RALGPS1: variants seen among roughly 807,000 people sequenced by gnomAD.
RALGPS1 encodes the protein Ral GEF with PH domain and SH3 binding motif 1.
RALGPS1 carries 19 observed loss-of-function variants against 78.8 expected under a neutral mutation model. That is an observed-to-expected ratio of 0.24 (90% CI 0.17 to 0.35). The LOEUF (loss-of-function observed/expected upper bound fraction) is 0.35, where lower values mean the gene tolerates loss of function less well. Among genes scored for constraint, RALGPS1 ranks in the 10% least tolerant of loss-of-function variants. RALGPS1 has a pLI of 1.00. For synonymous variants in RALGPS1, 228 were observed against 256.3 expected, an observed-to-expected ratio of 0.89 and a Z score of 1.06; for missense variants, 454 against 688.3, an observed-to-expected ratio of 0.66 and a Z score of 3.81.
intron 13 of RALGPS1, among the ~76,000 whole-genome samples, chr9:127,198,578 G>C (rs190373674): frequency 1.2e-3 from 181 of 152,344 alleles, no homozygotes; most frequent in Admixed American, 2.1e-3. Flanking sequence ...TCTAATGCCA[G>C]GTAGCTGCAC....
At chr9:127,213,510 T>TCTCCCAGTTC (rs1189756498) in intron 17 of RALGPS1, among the ~76,000 whole-genome samples, 1 of 152,180 alleles carries the variant, frequency 6.6e-6, no homozygotes, top group African/African-American at 2.4e-5. Context: ...TCTCTAGCTA[T>TCTCCCAGTTC]CTCCCAGTTC....
chr9:126,941,766 T>C (rs903364640), intron 1 of RALGPS1, among the ~76,000 whole-genome samples: 4 of 152,232 alleles, frequency 2.6e-5, no homozygotes, highest in African/African-American at 7.2e-5. Flanking sequence ...TGTCAGGAAG[T>C]ATTGATCTCC....
At position 127,183,854 on chromosome 9, in the gene RALGPS1, C is replaced by T; in HGVS notation, c.910+9072C>T. 2 of 1,544,212 alleles carry T rather than the reference C, an allele frequency of 1.3e-6. No individual in the cohort carries two copies. The highest frequency in any genetic ancestry group is 1.7e-6 in the Non-Finnish European group (2 of 1,144,298). ...CCATTACTCTGGGATTTCACATCTC[C>T]TTTGTTCTTGAGTCTCCCATCTCAG... On this transcript the variant is annotated intron_variant, in intron 11 of 18. Coordinates refer to ENST00000259351, the MANE Select transcript of RALGPS1 (RefSeq NM_014636.3). This position sits in a 1 kb window ranked among gnomAD's most constrained non-coding sequence, Gnocchi z 4.0.
intron 9 of RALGPS1, 45 bp from the exon 10 acceptor site, chr9:127,168,634 A>C (rs1400000455): frequency 1.5e-6 from 2 of 1,366,186 alleles, no homozygotes; most frequent in Non-Finnish European, 2.1e-6. Context: ...GGGGGCCTAA[A>C]GATGGGAGAG....
intron 6 of RALGPS1, among the ~76,000 whole-genome samples, chr9:127,052,645 G>A (rs1252299194): frequency 2.0e-5 from 3 of 152,186 alleles, no homozygotes; most frequent in African/African-American, 7.2e-5. Context: ...TCAGACTCAC[G>A]TTTTAGATGC....
At chr9:127,104,735 A>G (rs536554455) in intron 8 of RALGPS1, among the ~76,000 whole-genome samples, 2 of 152,326 alleles carry the variant, frequency 1.3e-5, no homozygotes, top group South Asian at 4.1e-4. Flanking sequence ...GGGGAAGGGC[A>G]TGCTGTGGGC....
rs57264470 is a variant in RALGPS1 at position 126,979,241 on chromosome 9, ATGTGTGTGTG to A, written c.216+1521_216+1530del. Among the ~76,000 whole-genome samples, 304 of 146,656 alleles carry A rather than the reference ATGTGTGTGTG, an allele frequency of 2.1e-3. 1 individual carries two copies. Among genetic ancestry groups the A allele is most frequent in the Middle Eastern group, 7.1e-3 (2 of 280 alleles). On this transcript the variant is annotated intron_variant, in intron 4 of 18. Coordinates refer to ENST00000259351, the MANE Select transcript of RALGPS1 (RefSeq NM_014636.3). The stretch of plus-strand genomic sequence containing the variant: ...CAGTTATTTGTATTATTGTATTATT[ATGTGTGTGTG>A]TGTGTGTGTGTGTGTGTGTGTGTGC...
chr9:126,948,034 T>C (rs1469909543), intron 1 of RALGPS1, among the ~76,000 whole-genome samples: 4 of 152,226 alleles, frequency 2.6e-5, no homozygotes, highest in African/African-American at 9.7e-5. Context: ...TTTATATCCC[T>C]GTATATCCAC....
At chr9:127,194,436 G>A (rs992134885) in intron 11 of RALGPS1, among the ~76,000 whole-genome samples, 5 of 152,068 alleles carry the variant, frequency 3.3e-5, no homozygotes, top group Non-Finnish European at 5.9e-5. Flanking sequence ...TTTTGGGGAC[G>A]GAGTCTCACT....
At position 127,221,020 on chromosome 9, in the gene RALGPS1, G is replaced by T. The variant is rs533111417; in HGVS notation, c.*2251G>T. Reference sequence around the variant, plus strand: ...CCTCTCCCAGGAACATTCTTAGCTCGGACTCTTGAAGAATCTCTTTAGATT... The same window carrying T: ...CCTCTCCCAGGAACATTCTTAGCTCTGACTCTTGAAGAATCTCTTTAGATT... On this transcript the variant is annotated 3_prime_UTR_variant, in exon 19 of 19. Transcript: ENST00000259351. The T allele has an allele frequency of 6.6e-6, 1 of 152,456 alleles. No individual in the cohort carries two copies. Among genetic ancestry groups the T allele is most frequent in the Non-Finnish European group, 1.5e-5 (1 of 68,030 alleles). 9.4% of individuals were successfully genotyped at this position (152,456 alleles called of 1,614,324 possible).
chr9:127,129,478 T>A (rs2056859384), intron 8 of RALGPS1, among the ~76,000 whole-genome samples: 1 of 152,204 alleles, frequency 6.6e-6, no homozygotes, highest in African/African-American at 2.4e-5. Context: ...AGGTACCTGC[T>A]GAAATTCCCA....
intron 1 of RALGPS1, among the ~76,000 whole-genome samples, chr9:126,925,418 C>T (rs564975441): frequency 2.0e-5 from 3 of 151,726 alleles, no homozygotes; most frequent in East Asian, 2.0e-4. Context: ...CATGGTGGCA[C>T]GTGCCTTTAA....
Position 127,036,207 on chromosome 9 carries a change from A to G in RALGPS1, c.300+1693A>G, listed in dbSNP as rs140715386. On this transcript the variant is annotated intron_variant, in intron 5 of 18. Transcript: ENST00000259351. ...TGGGAAATGGTCTTCCTGCTGGCCC[A>G]TCAGCCAGTCGGAGAGCCAGCAGCT... Among the ~76,000 whole-genome samples the G allele has an allele frequency of 7.5e-3, 1,150 of 152,340 alleles. 14 individuals are homozygous for G. Among genetic ancestry groups the G allele is most frequent in the African/African-American group, 0.026 (1,093 of 41,568 alleles).
chr9:127,091,117 A>G lies in RALGPS1; in HGVS notation c.610+21761A>G, dbSNP rs2052414943. On this transcript the variant is annotated intron_variant, in intron 8 of 18. Coordinates refer to ENST00000259351, the MANE Select transcript of RALGPS1 (RefSeq NM_014636.3). The surrounding 1 kb of genome is among the most constrained non-coding windows in gnomAD (Gnocchi z 4.3). ...AGCCAGTTTGTATGGAGCCCTCGCT[A>G]TGTGCCAAATCCTAGACAAAGCACT... Among the ~76,000 whole-genome samples the G allele has an allele frequency of 6.6e-6, 1 of 152,246 alleles. No homozygotes were observed. Among genetic ancestry groups the G allele is most frequent in the South Asian group, 2.1e-4 (1 of 4,830 alleles).
chr9:127,062,056 G>A (rs1184977744), intron 7 of RALGPS1, among the ~76,000 whole-genome samples: 1 of 152,222 alleles, frequency 6.6e-6, no homozygotes, highest in East Asian at 1.9e-4. Context: ...TTGGATACAT[G>A]TATGTATATG....
chr9:127,213,674 G>A (rs2062413237), intron 17 of RALGPS1: 1 of 152,618 alleles, frequency 6.6e-6, no homozygotes, highest in Non-Finnish European at 1.5e-5. Flanking sequence ...AATTGCCTGG[G>A]TCAGTTGGAT....
intron 8 of RALGPS1, among the ~76,000 whole-genome samples, chr9:127,107,644 C>CT (rs2054347683): frequency 1.3e-5 from 2 of 152,290 alleles, no homozygotes; most frequent in South Asian, 4.1e-4. Context: ...GCTCTGGGTT[C>CT]TTTCCTGTCA....
rs535725889 is a variant in RALGPS1, at chr9:126,988,408, T to TA, written c.216+10670dup. On this transcript the variant is annotated intron_variant, in intron 4 of 18. Coordinates refer to ENST00000259351, the MANE Select transcript of RALGPS1 (RefSeq NM_014636.3). ...AGCCCTGAGCATTCACTGAGAGATT[T>TA]AAAAAAACAAAAAATAGAGACAAAG... Among the ~76,000 whole-genome samples the TA allele has an allele frequency of 5.3e-5, 8 of 152,042 alleles. No homozygotes were observed. The East Asian group carries it at 9.6e-4, about 18-fold the overall frequency.
At chr9:126,991,296 G>T (rs750994800) in intron 4 of RALGPS1, among the ~76,000 whole-genome samples, 3 of 152,174 alleles carry the variant, frequency 2.0e-5, no homozygotes, top group African/African-American at 4.8e-5. Flanking sequence ...CCTGAAGGGT[G>T]GGGAGAGGCT....
Sources: allele counts gnomAD v4.1 joint callset (sites outside exome capture counted in the v4.1 genomes callset), GRCh38; gene constraint gnomAD v4.1.1; non-coding constraint Gnocchi (gnomAD v3.1); transcripts MANE v1.5; gene names NCBI Gene and HGNC (gene_info 2026-07-23, HGNC 2026-07-21).